DCHS2: variants seen among roughly 807,000 people sequenced by gnomAD.
DCHS2 encodes the protein protocadherin-23.
Under a neutral mutation model 182.4 loss-of-function variants are expected in DCHS2, and 142 were observed. The ratio of observed to expected loss-of-function variants is 0.78; its 90% confidence interval spans 0.68 to 0.89. The LOEUF is 0.89. Ranked by LOEUF, DCHS2 falls within the 40% of genes least tolerant of loss-of-function variation. The probability of loss-of-function intolerance (pLI) is 0.00; values close to 1 mark genes in which losing one functional copy is unlikely to be tolerated. For synonymous variants in DCHS2, 1,740 were observed against 1,663.3 expected (o/e 1.05, Z -1.12); for missense variants, 4,319 against 4,198.6 (o/e 1.03, Z -0.79).
intron 16 of DCHS2, among the ~76,000 whole-genome samples, chr4:154,243,985 C>T (rs1265470861): frequency 6.6e-6 from 1 of 152,188 alleles, no homozygotes; most frequent in East Asian, 1.9e-4. Flanking sequence ...TTCACATAAA[C>T]TTTTTTGTTC....
chr4:154,297,559 A>C (rs1734981666), intron 13 of DCHS2, among the ~76,000 whole-genome samples: 1 of 152,224 alleles, frequency 6.6e-6, no homozygotes, highest in Non-Finnish European at 1.5e-5. Context: ...CACAGTAAGA[A>C]TATCAGATTG....
intron 13 of DCHS2, among the ~76,000 whole-genome samples, chr4:154,275,305 T>C (rs944124491): frequency 2.6e-5 from 4 of 152,120 alleles, no homozygotes; most frequent in Non-Finnish European, 5.9e-5. Context: ...TATATTACTC[T>C]CTTTACAAAC....
intron 1 of DCHS2, among the ~76,000 whole-genome samples, chr4:154,421,437 C>G (rs1210237979): frequency 1.3e-5 from 2 of 151,838 alleles, no homozygotes; most frequent in East Asian, 1.9e-4. Flanking sequence ...CTCTGTCACC[C>G]AGGCTGGAGT....
At chr4:154,416,120 AG>A (rs1732822255) in intron 1 of DCHS2, among the ~76,000 whole-genome samples, 6 of 152,170 alleles carry the variant, frequency 3.9e-5, no homozygotes, top group African/African-American at 1.2e-4. Flanking sequence ...AGTAGAACTG[AG>A]ATGAGCACAA....
At chr4:154,485,011 G>T (rs1728534414) in intron 1 of DCHS2, among the ~76,000 whole-genome samples, 1 of 152,216 alleles carries the variant, frequency 6.6e-6, no homozygotes, top group African/African-American at 2.4e-5. Context: ...CTACTGGATA[G>T]ATCTACTTTC....
Position 154,489,911 on chromosome 4 carries a change from G to A in DCHS2, c.1445C>T (p.Pro482Leu), listed in dbSNP as rs1425877984. 3 of 1,539,634 alleles carry A rather than the reference G, an allele frequency of 1.9e-6. No homozygotes were observed. The highest frequency in any genetic ancestry group is 4.0e-5 in the Admixed American group (2 of 49,970). ...EGGEGDFALL[P>L]GGPPGVFFLC... is the part of the protein sequence containing the mutation. Reference sequence around the variant, plus strand: ...GAAAAATACCCCTGGGGGGCCGCCGGGTAGCAACGCGAAGTCTCCCTCTCC... The same window carrying A: ...GAAAAATACCCCTGGGGGGCCGCCGAGTAGCAACGCGAAGTCTCCCTCTCC... The change falls in exon 1 of 20, where the codon CCC becomes CTC. Residue 482 changes from proline (P) to leucine (L), a missense_variant. By Grantham distance (98) the Pro-to-Leu change is moderately conservative. Transcript: ENST00000357232.
intron 17 of DCHS2, among the ~76,000 whole-genome samples, chr4:154,242,003 T>A (rs571003863): frequency 6.6e-6 from 1 of 152,252 alleles, no homozygotes; most frequent in Admixed American, 6.5e-5. Context: ...GGGTCACCAT[T>A]ATTTTCATCT....
chr4:154,333,572 A>T, intron 4 of DCHS2, 78 bp from the exon 5 acceptor site: 1 of 1,329,820 alleles, frequency 7.5e-7, no homozygotes, highest in Non-Finnish European at 1.0e-6. Context: ...AAATGTTAAT[A>T]CAGTCATCCA....
intron 13 of DCHS2, among the ~76,000 whole-genome samples, chr4:154,273,230 A>G (rs1561002535): frequency 6.6e-6 from 1 of 152,120 alleles, no homozygotes; most frequent in Non-Finnish European, 1.5e-5. Flanking sequence ...GATTAAGAAA[A>G]TGTGATATAT....
chr4:154,415,834 T>A (rs887493238), intron 1 of DCHS2, among the ~76,000 whole-genome samples: 3 of 152,200 alleles, frequency 2.0e-5, no homozygotes, highest in African/African-American at 7.2e-5. Context: ...TCCAAGGGAA[T>A]TGATGGACAG....
intron 3 of DCHS2, among the ~76,000 whole-genome samples, chr4:154,338,941 A>T (rs1728940035): frequency 6.6e-6 from 1 of 152,224 alleles, no homozygotes; most frequent in Non-Finnish European, 1.5e-5. Context: ...GTAGATATAG[A>T]TATCTATAGA....
chr4:154,388,130 A>C (rs1024953492), intron 1 of DCHS2, among the ~76,000 whole-genome samples: 1 of 152,138 alleles, frequency 6.6e-6, no homozygotes, highest in Non-Finnish European at 1.5e-5. Flanking sequence ...ATTTCTAAGA[A>C]TATACATAGA....
chr4:154,334,803 C>T, intron 4 of DCHS2, 65 bp downstream of exon 4: 2 of 1,304,862 alleles, frequency 1.5e-6, no homozygotes, highest in Non-Finnish European at 2.2e-6. Context: ...GATTGTACCG[C>T]CTACAAAAAA....
chr4:154,424,649 C>T (rs1214379713), intron 1 of DCHS2, among the ~76,000 whole-genome samples: 1 of 152,210 alleles, frequency 6.6e-6, no homozygotes, highest in Non-Finnish European at 1.5e-5. Context: ...TAAATGAACA[C>T]TGACACTGGA....
At chr4:154,426,019 A>AT (rs1733310114) in intron 1 of DCHS2, among the ~76,000 whole-genome samples, 1 of 151,890 alleles carries the variant, frequency 6.6e-6, no homozygotes, top group Admixed American at 6.6e-5. Context: ...CCCCTGCCCT[A>AT]TTTTTTGTTT....
chr4:154,382,584 A>G (rs1226474117), intron 1 of DCHS2, among the ~76,000 whole-genome samples: 1 of 152,078 alleles, frequency 6.6e-6, no homozygotes, highest in Non-Finnish European at 1.5e-5. Flanking sequence ...AAAAATAATC[A>G]CAAACTATAT....
At chr4:154,387,878 T>C (rs1210201055) in intron 1 of DCHS2, among the ~76,000 whole-genome samples, 1 of 152,000 alleles carries the variant, frequency 6.6e-6, no homozygotes, top group Non-Finnish European at 1.5e-5. Flanking sequence ...GAACAGACAA[T>C]TCATAGAAAA....
chr4:154,335,089 G>T lies in DCHS2; in HGVS notation c.2492C>A (p.Thr831Lys). Residue 831 changes from threonine (T) to lysine (K), a missense_variant, in exon 4 of 20, where the codon ACA becomes AAA. Thr to Lys is a moderately conservative substitution (Grantham distance 78). Coordinates refer to ENST00000357232, the MANE Select transcript of DCHS2 (RefSeq NM_001358235.2). ...IDSTTGIIYL[T>K]LPLSHLESTT... Reference sequence around the variant, plus strand: ...AGATTCCAAATGACTAAGAGGTAATGTTAAGTAAATAATTCCTGGGTAGGG... The same window carrying T: ...AGATTCCAAATGACTAAGAGGTAATTTTAAGTAAATAATTCCTGGGTAGGG... 1.2e-6 allele frequency: 2 copies of T among 1,605,842 alleles called. No homozygotes were observed. The highest frequency in any genetic ancestry group is 1.1e-5 in the South Asian group (1 of 90,930).
chr4:154,258,720 G>A (rs1328009114), intron 15 of DCHS2, among the ~76,000 whole-genome samples: 1 of 152,056 alleles, frequency 6.6e-6, no homozygotes, highest in Non-Finnish European at 1.5e-5. Context: ...AAGAACTGTT[G>A]CAGGTTTTGT....
Sources: gnomAD v4.1 joint callset for allele counts (sites outside exome capture counted in the v4.1 genomes callset) on GRCh38, gnomAD v4.1.1 for gene constraint, MANE v1.5 for transcripts, NCBI Gene and HGNC (gene_info 2026-07-23, HGNC 2026-07-21) for gene names.